The following DLG2 variants were observed in gnomAD, a reference collection of about 807,000 sequenced individuals.
DLG2 encodes the protein disks large homolog 2.
Under a neutral mutation model 132.5 loss-of-function variants are expected in DLG2, and 45 were observed. That is an observed-to-expected ratio of 0.34 (90% CI 0.27 to 0.44). The LOEUF is 0.44. Ranked by LOEUF, DLG2 falls within the 20% of genes least tolerant of loss-of-function variation. DLG2 has a pLI of 1.00. For synonymous variants in DLG2, 424 were observed against 419.6 expected (o/e 1.01, Z -0.13); for missense variants, 1,045 against 1,196.9 (o/e 0.87, Z 1.87).
At chr11:85,606,073 C>T (rs1021711756) in intron 2 of DLG2, among the ~76,000 whole-genome samples, 1 of 152,042 alleles carries the variant, frequency 6.6e-6, no homozygotes, top group African/African-American at 2.4e-5. Flanking sequence ...CAAGTTTGGC[C>T]TTATACCAAG....
intron 14 of DLG2, among the ~76,000 whole-genome samples, chr11:83,936,052 A>C (rs778291058): frequency 2.6e-5 from 4 of 152,178 alleles, no homozygotes; most frequent in Admixed American, 6.5e-5. Flanking sequence ...TAGACACTCG[A>C]GCTCACAAGG....
intron 7 of DLG2, among the ~76,000 whole-genome samples, chr11:84,357,967 A>C (rs1385406848): frequency 1.3e-5 from 2 of 152,006 alleles, no homozygotes; most frequent in Non-Finnish European, 2.9e-5. Flanking sequence ...CTACCTGGAA[A>C]CAGACAAAAA....
At chr11:84,135,071 C>T (rs11233916) in intron 9 of DLG2, among the ~76,000 whole-genome samples, 13,688 of 152,090 alleles carry the variant, frequency 0.09, 797 homozygotes, top group African/African-American at 0.17. Flanking sequence ...GGTTAGTTTA[C>T]TTAATGTTTA....
At chr11:83,493,662 C>CT (rs1446218530) in intron 21 of DLG2, among the ~76,000 whole-genome samples, 1 of 152,096 alleles carries the variant, frequency 6.6e-6, no homozygotes, top group East Asian at 1.9e-4. Flanking sequence ...TTCTACTAAA[C>CT]TGTAGACTGG....
chr11:85,319,303 C>CA (rs1269006471), intron 3 of DLG2, among the ~76,000 whole-genome samples: 1 of 151,728 alleles, frequency 6.6e-6, no homozygotes, highest in Non-Finnish European at 1.5e-5. Flanking sequence ...ATTTATCTTT[C>CA]AAACTCATCT....
intron 3 of DLG2, among the ~76,000 whole-genome samples, chr11:85,302,693 A>C (rs2079672991): frequency 6.6e-6 from 1 of 152,022 alleles, no homozygotes; most frequent in Admixed American, 6.6e-5. Flanking sequence ...ATTTCAGAGG[A>C]ATAGAAGCCA....
chr11:84,446,637 T>C (rs2099035944), intron 7 of DLG2, among the ~76,000 whole-genome samples: 1 of 152,082 alleles, frequency 6.6e-6, no homozygotes, highest in African/African-American at 2.4e-5. Context: ...TCTTTTTTTT[T>C]CTTTTTCCAC....
chr11:85,137,268 T>C (rs887942994), intron 5 of DLG2, among the ~76,000 whole-genome samples: 2 of 152,144 alleles, frequency 1.3e-5, no homozygotes, highest in Non-Finnish European at 2.9e-5. Context: ...ATCAAGTGGC[T>C]ATTATCTGAA....
chr11:84,012,120 T>C (rs970130581), intron 11 of DLG2, among the ~76,000 whole-genome samples: 4 of 152,150 alleles, frequency 2.6e-5, no homozygotes, highest in Admixed American at 6.6e-5. Context: ...GTTCGCTTGC[T>C]TTTCAAGACT....
chr11:84,951,243 A>T (rs961826796), intron 6 of DLG2, among the ~76,000 whole-genome samples: 1 of 152,226 alleles, frequency 6.6e-6, no homozygotes, highest in African/African-American at 2.4e-5. Context: ...TTAAAGCATT[A>T]TTCTAATCTT....
chr11:84,339,368 C>T (rs1423017622), intron 7 of DLG2, among the ~76,000 whole-genome samples: 1 of 152,154 alleles, frequency 6.6e-6, no homozygotes, highest in African/African-American at 2.4e-5. Flanking sequence ...TCATCATTTC[C>T]ATCTTATAGT....
intron 6 of DLG2, among the ~76,000 whole-genome samples, chr11:84,674,680 C>A (rs538973107): frequency 6.6e-6 from 1 of 152,214 alleles, no homozygotes; most frequent in East Asian, 1.9e-4. Flanking sequence ...TTATTTATAA[C>A]CTCTCATTGA....
At chr11:84,844,779 T>G (rs1264855909) in intron 6 of DLG2, among the ~76,000 whole-genome samples, 1 of 152,140 alleles carries the variant, frequency 6.6e-6, no homozygotes, top group Non-Finnish European at 1.5e-5. Flanking sequence ...AATTGTGCAT[T>G]TAAAAGATAC....
chr11:83,582,997 A>G (rs1231520427), intron 19 of DLG2, among the ~76,000 whole-genome samples: 2 of 152,244 alleles, frequency 1.3e-5, no homozygotes, highest in South Asian at 2.1e-4. Flanking sequence ...GATAAAATGT[A>G]TAAGAGCAGG....
chr11:83,700,013 A>C (rs1264280757), intron 18 of DLG2, among the ~76,000 whole-genome samples: 2 of 151,882 alleles, frequency 1.3e-5, no homozygotes, highest in Admixed American at 1.3e-4. Context: ...AGATACACAA[A>C]AACCTAAAAA....
intron 15 of DLG2, among the ~76,000 whole-genome samples, chr11:83,884,761 C>T (rs555538306): frequency 7.2e-5 from 11 of 152,166 alleles, no homozygotes; most frequent in African/African-American, 2.7e-4. Flanking sequence ...TCCAGAGGAA[C>T]GATCAGACAT....
intron 18 of DLG2, chr11:83,652,137 T>A (rs1408798433): frequency 7.2e-6 from 2 of 279,282 alleles, no homozygotes; most frequent in Non-Finnish European, 7.2e-6. Flanking sequence ...TTATTTTGTG[T>A]TTTTTTGGTG....
intron 2 of DLG2, among the ~76,000 whole-genome samples, chr11:85,621,217 G>GAA (rs35568778): frequency 7.1e-6 from 1 of 141,172 alleles, no homozygotes. Context: ...CTACTACTCA[G>GAA]AAAAAAAAAA....
chr11:84,583,189 T>C (rs1229317956), intron 6 of DLG2, among the ~76,000 whole-genome samples: 2 of 152,210 alleles, frequency 1.3e-5, no homozygotes, highest in Non-Finnish European at 2.9e-5. Context: ...GATAAGATTG[T>C]TCTTAAGTGT....
Sources: allele counts gnomAD v4.1 joint callset (sites outside exome capture counted in the v4.1 genomes callset), GRCh38; gene constraint gnomAD v4.1.1; transcripts MANE v1.5; gene names NCBI Gene and HGNC (gene_info 2026-07-23, HGNC 2026-07-21).